The following TLCD4 variants were observed in gnomAD, a reference collection of about 807,000 sequenced individuals.
TLCD4 encodes the protein TLC domain containing 4, also known as TLC domain-containing protein 4.
A neutral mutation model predicts 24.2 loss-of-function variants in TLCD4; 7 were observed. That is an observed-to-expected ratio of 0.29 (90% CI 0.16 to 0.54). The LOEUF (loss-of-function observed/expected upper bound fraction) is 0.54. Among genes scored for constraint, TLCD4 ranks in the 20% least tolerant of loss-of-function variants. The pLI is 0.95. For synonymous variants in TLCD4, 103 were observed against 106.4 expected, an observed-to-expected ratio of 0.97 and a Z score of 0.20; for missense variants, 259 against 313.9, an observed-to-expected ratio of 0.82 and a Z score of 1.32.
chr1:95,134,658 A>G (rs1022453961), intron 1 of TLCD4, among the ~76,000 whole-genome samples: 1 of 152,196 alleles, frequency 6.6e-6, no homozygotes, highest in South Asian at 2.1e-4. Context: ...GTGGTAGAGG[A>G]TAGATCTCTG....
intron 5 of TLCD4, among the ~76,000 whole-genome samples, chr1:95,168,269 T>G (rs772510203): frequency 6.6e-6 from 1 of 152,184 alleles, no homozygotes; most frequent in Non-Finnish European, 1.5e-5. Flanking sequence ...GTCTTTCTTT[T>G]AGACTACATC....
At chr1:95,123,075 C>T (rs1411306482) in intron 1 of TLCD4, among the ~76,000 whole-genome samples, 1 of 152,034 alleles carries the variant, frequency 6.6e-6, no homozygotes, top group Non-Finnish European at 1.5e-5. Context: ...TCCCAAAGTG[C>T]TGGGATTACA....
chr1:95,109,958 T>TATACACAC, the TLCD4 span, among the ~76,000 whole-genome samples: 1 of 108,082 alleles, frequency 9.3e-6, no homozygotes. Context: ...TATATATATA[T>TATACACAC]ACACACACAC....
At chr1:95,171,307 T>C (rs1265228154) in intron 5 of TLCD4, among the ~76,000 whole-genome samples, 1 of 152,094 alleles carries the variant, frequency 6.6e-6, no homozygotes, top group East Asian at 1.9e-4. Context: ...GCTATCCTAG[T>C]CGTACCATTT....
chr1:95,167,447 G>C (rs986145738), intron 5 of TLCD4, among the ~76,000 whole-genome samples: 24 of 152,214 alleles, frequency 1.6e-4, no homozygotes, highest in African/African-American at 5.5e-4. Context: ...GTTGGGAAAT[G>C]CTGAGTGTTG....
intron 2 of TLCD4, among the ~76,000 whole-genome samples, chr1:95,147,675 T>G (rs1361224480): frequency 6.6e-6 from 1 of 152,198 alleles, no homozygotes; most frequent in Non-Finnish European, 1.5e-5. Flanking sequence ...TTTTAAAGAT[T>G]TGGGATCATA....
intron 6 of TLCD4, among the ~76,000 whole-genome samples, chr1:95,184,775 C>G (rs1300213050): frequency 6.6e-6 from 1 of 152,132 alleles, no homozygotes; most frequent in South Asian, 2.1e-4. Flanking sequence ...AACTGTTAGT[C>G]TTTATTTGCT....
intron 1 of TLCD4, among the ~76,000 whole-genome samples, chr1:95,123,154 G>C (rs532044281): frequency 2.0e-5 from 3 of 152,188 alleles, no homozygotes; most frequent in East Asian, 3.9e-4. Flanking sequence ...AACATGTTTT[G>C]CTCCATTACA....
At chr1:95,161,073 G>A (rs1677782304) in intron 5 of TLCD4, among the ~76,000 whole-genome samples, 1 of 152,228 alleles carries the variant, frequency 6.6e-6, no homozygotes, top group Non-Finnish European at 1.5e-5. Context: ...GTTTCAGAAG[G>A]AATGGTACCA....
chr1:95,147,700 T>G (rs377696441), intron 2 of TLCD4, among the ~76,000 whole-genome samples: 5 of 152,260 alleles, frequency 3.3e-5, no homozygotes, highest in African/African-American at 1.2e-4. Flanking sequence ...AGAGAAAAAT[T>G]TATTGCACAC....
chr1:95,129,429 A>G (rs995285622), intron 1 of TLCD4, among the ~76,000 whole-genome samples: 4 of 152,162 alleles, frequency 2.6e-5, no homozygotes, highest in African/African-American at 7.2e-5. Context: ...ACCTTAAGTA[A>G]TATCATTTAT....
intron 2 of TLCD4, among the ~76,000 whole-genome samples, chr1:95,146,687 ATAGTATAGACTTT>A (rs1429490164): frequency 6.6e-6 from 1 of 152,166 alleles, no homozygotes; most frequent in Non-Finnish European, 1.5e-5. Flanking sequence ...TTCTGAAACT[ATAGTATAGACTTT>A]TAATACAGAA....
intron 5 of TLCD4, among the ~76,000 whole-genome samples, chr1:95,171,375 C>T (rs557738389): frequency 4.3e-4 from 65 of 152,314 alleles, no homozygotes; most frequent in African/African-American, 1.2e-3. Context: ...AAAAAAATCA[C>T]GGCAGCTATG....
chr1:95,161,474 T>G (rs1677803017), intron 5 of TLCD4, among the ~76,000 whole-genome samples: 1 of 152,252 alleles, frequency 6.6e-6, no homozygotes, highest in African/African-American at 2.4e-5. Context: ...TCATTGATTT[T>G]TTGAAGGGTT....
intron 6 of TLCD4, among the ~76,000 whole-genome samples, chr1:95,181,411 A>G (rs371900306): frequency 2.0e-5 from 3 of 152,126 alleles, no homozygotes; most frequent in African/African-American, 7.2e-5. Context: ...CTTTTCAAAT[A>G]CTAATAATTG....
intron 6 of TLCD4, among the ~76,000 whole-genome samples, chr1:95,181,599 A>AT (rs1227668144): frequency 2.0e-5 from 3 of 149,420 alleles, no homozygotes; most frequent in African/African-American, 7.5e-5. Flanking sequence ...TTATTTATTT[A>AT]TTTATTTTTT....
chr1:95,174,759 T>C (rs902278504), intron 6 of TLCD4, among the ~76,000 whole-genome samples: 9 of 152,126 alleles, frequency 5.9e-5, no homozygotes, highest in African/African-American at 1.7e-4. Flanking sequence ...ATTTGTAATA[T>C]TGATAGTCAT....
At chr1:95,102,064 C>A in the TLCD4 span, among the ~76,000 whole-genome samples, 14 of 152,050 alleles carry the variant, frequency 9.2e-5, no homozygotes, top group African/African-American at 3.4e-4. Context: ...AGAAGATAAC[C>A]AACAGCAGGT....
Position 95,142,573 on chromosome 1 carries a change from G to A in TLCD4, c.-11-1318G>A, listed in dbSNP as rs141875483. Among the ~76,000 whole-genome samples, 1,458 of 152,196 alleles carry A rather than the reference G, an allele frequency of 9.6e-3. 23 individuals carry two copies. Among genetic ancestry groups the A allele is most frequent in the African/African-American group, 0.032 (1,336 of 41,536 alleles). On this transcript the variant is annotated intron_variant, in intron 1 of 6. Transcript: ENST00000370203. ...TCCTACCATAGGGGCTCAAGAGCCC[G>A]GTTACAGAATTTTCTAGGGCTTAAA...
Sources: gnomAD v4.1 joint callset for allele counts (sites outside exome capture counted in the v4.1 genomes callset) on GRCh38, gnomAD v4.1.1 for gene constraint, MANE v1.5 for transcripts, NCBI Gene and HGNC (gene_info 2026-07-23, HGNC 2026-07-21) for gene names.